AGTPBP1: variants seen among roughly 807,000 people sequenced by gnomAD.
The protein encoded by AGTPBP1 is cytosolic carboxypeptidase 1.
A neutral mutation model predicts 143.9 loss-of-function variants in AGTPBP1; 70 were observed. That is an observed-to-expected ratio of 0.49 (90% CI 0.40 to 0.59). The LOEUF is 0.59. Among genes scored for constraint, AGTPBP1 ranks in the 20% least tolerant of loss-of-function variants. The probability of loss-of-function intolerance (pLI) is 0.00; values close to 1 mark genes in which losing one functional copy is unlikely to be tolerated. For missense variants in AGTPBP1, 1,229 were observed against 1,464.5 expected, an observed-to-expected ratio of 0.84 and a Z score of 2.62; for synonymous variants, 463 against 500.2, an observed-to-expected ratio of 0.93 and a Z score of 0.99.
At chr9:85,583,890 C>T (rs1312907781) in intron 23 of AGTPBP1, among the ~76,000 whole-genome samples, 1 of 151,972 alleles carries the variant, frequency 6.6e-6, no homozygotes, top group Non-Finnish European at 1.5e-5. Context: ...CATAGAAAAC[C>T]TCACAATTAT....
chr9:85,755,614 A>G, the AGTPBP1 span, among the ~76,000 whole-genome samples: 1 of 152,214 alleles, frequency 6.6e-6, no homozygotes, highest in Admixed American at 6.5e-5. Flanking sequence ...TTGAATGCCC[A>G]CTGTGGCCCA....
chr9:85,786,295 A>G, the AGTPBP1 span: 244 of 1,599,614 alleles, frequency 1.5e-4, no homozygotes, highest in Middle Eastern at 5.8e-3. Context: ...TCCAATTCAT[A>G]GTTCTTTAGC....
the AGTPBP1 span, among the ~76,000 whole-genome samples, chr9:85,801,139 C>T: frequency 6.6e-6 from 1 of 151,942 alleles, no homozygotes; most frequent in Non-Finnish European, 1.5e-5. Flanking sequence ...TGGTGAAATC[C>T]TGTCTCTACT....
rs946820405 is a variant in AGTPBP1, at chr9:85,678,547, T to C, written c.226-149A>G. 1.4e-5 allele frequency: 6 copies of C among 432,112 alleles called. No homozygotes were observed. In the Admixed American group the frequency reaches 2.2e-4, roughly 16 times the overall value. The allele number at this position is 432,112 out of a possible 1,614,324, so 26.8% of individuals were successfully genotyped here. ...CAGGTTTTCACTATTATCATTTCCG[T>C]CTGTTTCCTTCTGCCTTTAAGAATT... On this transcript the variant is annotated intron_variant, in intron 4 of 25. Coordinates refer to ENST00000357081, the MANE Select transcript of AGTPBP1 (RefSeq NM_001330701.2).
the AGTPBP1 span, among the ~76,000 whole-genome samples, chr9:85,758,827 G>A: frequency 6.6e-6 from 1 of 152,124 alleles, no homozygotes. Context: ...GATTATCAAA[G>A]ACATCATATA....
At chr9:85,791,580 G>C in the AGTPBP1 span, 1 of 152,042 alleles carries the variant, frequency 6.6e-6, no homozygotes, top group Non-Finnish European at 1.5e-5. Context: ...TTATTTGAAA[G>C]CATTCCATAG....
intron 9 of AGTPBP1, among the ~76,000 whole-genome samples, chr9:85,659,104 A>G (rs377185059): frequency 5.3e-5 from 8 of 152,166 alleles, no homozygotes; most frequent in African/African-American, 1.7e-4. Flanking sequence ...AATTCTTCAC[A>G]AATAAGTAAG....
chr9:85,567,474 C>A (rs923274175), intron 25 of AGTPBP1, among the ~76,000 whole-genome samples: 1 of 152,138 alleles, frequency 6.6e-6, no homozygotes, highest in Non-Finnish European at 1.5e-5. Context: ...TGCCTGTAAT[C>A]CCAGCTACTA....
intron 6 of AGTPBP1, 31 bp downstream of exon 6, chr9:85,677,405 A>G: frequency 6.3e-7 from 1 of 1,591,214 alleles, no homozygotes; most frequent in South Asian, 1.1e-5. Flanking sequence ...ATAGTTCTAG[A>G]TACAATAATC....
At chr9:85,658,732 A>G (rs755760678) in intron 9 of AGTPBP1, among the ~76,000 whole-genome samples, 2 of 152,142 alleles carry the variant, frequency 1.3e-5, no homozygotes, top group Non-Finnish European at 2.9e-5. Flanking sequence ...ACACTGAGAT[A>G]AACTTATTAA....
At chr9:85,667,968 T>C (rs1834230045) in intron 8 of AGTPBP1, among the ~76,000 whole-genome samples, 1 of 146,694 alleles carries the variant, frequency 6.8e-6, no homozygotes, top group Non-Finnish European at 1.5e-5. Flanking sequence ...TTACCGTTAA[T>C]ATTGTTGGGC....
chr9:85,793,983 A>T, the AGTPBP1 span, among the ~76,000 whole-genome samples: 1 of 152,164 alleles, frequency 6.6e-6, no homozygotes, highest in South Asian at 2.1e-4. Flanking sequence ...ATCAACCTTT[A>T]TATTTTTGCT....
chr9:85,768,405 C>T, the AGTPBP1 span, among the ~76,000 whole-genome samples: 3 of 152,142 alleles, frequency 2.0e-5, no homozygotes, highest in Non-Finnish European at 4.4e-5. Flanking sequence ...ACACCATGTA[C>T]ATCAGGTCCT....
intron 1 of AGTPBP1, among the ~76,000 whole-genome samples, chr9:85,718,694 T>C (rs559132938): frequency 2.0e-5 from 3 of 152,328 alleles, no homozygotes; most frequent in East Asian, 1.9e-4. Context: ...TTTGTCAATT[T>C]TGGCTTTTGT....
chr9:85,591,512 AG>A (rs932978555), intron 19 of AGTPBP1, among the ~76,000 whole-genome samples: 2 of 152,172 alleles, frequency 1.3e-5, no homozygotes, highest in African/African-American at 4.8e-5. Context: ...ATATATTAAA[AG>A]GCACAATCAG....
the AGTPBP1 span, among the ~76,000 whole-genome samples, chr9:85,765,303 C>T: frequency 6.6e-6 from 1 of 152,116 alleles, no homozygotes; most frequent in Non-Finnish European, 1.5e-5. Context: ...TTGAAGGATA[C>T]TAGGTAATTT....
chr9:85,641,014 A>C (rs1832428068), intron 13 of AGTPBP1, among the ~76,000 whole-genome samples: 1 of 152,186 alleles, frequency 6.6e-6, no homozygotes, highest in South Asian at 2.1e-4. Flanking sequence ...ACCATGGTCC[A>C]TCCCACCCAG....
chr9:85,602,086 G>GA (rs1208577378), intron 17 of AGTPBP1, among the ~76,000 whole-genome samples: 2 of 151,918 alleles, frequency 1.3e-5, no homozygotes, highest in Non-Finnish European at 2.9e-5. Context: ...CAAGAAACAC[G>GA]AAAAAACAAG....
chr9:85,578,564 T>G (rs191490291), intron 24 of AGTPBP1, among the ~76,000 whole-genome samples: 183 of 152,252 alleles, frequency 1.2e-3, no homozygotes, highest in Middle Eastern at 0.01. Context: ...GTAAAAAAAT[T>G]TATATCCAAT....
Sources: gnomAD v4.1 joint callset for allele counts (sites outside exome capture counted in the v4.1 genomes callset) on GRCh38, gnomAD v4.1.1 for gene constraint, MANE v1.5 for transcripts, NCBI Gene and HGNC (gene_info 2026-07-23, HGNC 2026-07-21) for gene names.